Variants in PCBP3 observed in about 807,000 individuals in gnomAD.
PCBP3 encodes the protein poly(rC) binding protein 3, also known as poly(rC)-binding protein 3.
Under a neutral mutation model 52.7 loss-of-function variants are expected in PCBP3, and 25 were observed. The ratio of observed to expected loss-of-function variants is 0.47; its 90% CI spans 0.35 to 0.66. The LOEUF is 0.66. PCBP3 is among the 30% of genes least tolerant of loss of function. The pLI, the probability that PCBP3 is intolerant of heterozygous loss-of-function variation, is 0.01. For missense variants in PCBP3, 391 were observed against 490.3 expected, an observed-to-expected ratio of 0.80 and a Z score of 1.91; for synonymous variants, 162 against 183.0, an observed-to-expected ratio of 0.89 and a Z score of 0.93.
chr21:45,679,078 ATT>A (rs34808106), intron 2 of PCBP3, among the ~76,000 whole-genome samples: 1,402 of 120,812 alleles, frequency 0.012, 9 homozygotes, highest in African/African-American at 0.026. Context: ...GATTGTTAGC[ATT>A]TTTTTTTTTT....
At chr21:45,848,618 A>G (rs2093874237) in intron 4 of PCBP3, among the ~76,000 whole-genome samples, 1 of 151,904 alleles carries the variant, frequency 6.6e-6, no homozygotes. Flanking sequence ...TAATTGTGTC[A>G]TTCTCTTTCA....
At chr21:45,738,512 C>G (rs1330219263) in intron 3 of PCBP3, among the ~76,000 whole-genome samples, 1 of 152,172 alleles carries the variant, frequency 6.6e-6, no homozygotes, top group Non-Finnish European at 1.5e-5. Flanking sequence ...CCTCGGCCTC[C>G]CAAAGTGCTG....
chr21:45,887,134 A>T (rs1180002439), intron 5 of PCBP3, among the ~76,000 whole-genome samples: 1 of 152,226 alleles, frequency 6.6e-6, no homozygotes, highest in African/African-American at 2.4e-5. Flanking sequence ...TCTGAGAGAC[A>T]TAGAGAAAGC....
At chr21:45,653,275 C>T (rs2146881909) in intron 1 of PCBP3, among the ~76,000 whole-genome samples, 1 of 152,180 alleles carries the variant, frequency 6.6e-6, no homozygotes, top group Non-Finnish European at 1.5e-5. Context: ...GTTACATCTG[C>T]TTTCTTACTA....
At chr21:45,707,430 C>T (rs2083524586) in intron 2 of PCBP3, among the ~76,000 whole-genome samples, 1 of 152,056 alleles carries the variant, frequency 6.6e-6, no homozygotes, top group Non-Finnish European at 1.5e-5. Context: ...GCAGGAGAAT[C>T]GCTTGAACCT....
chr21:45,819,082 G>A (rs1453726863), intron 4 of PCBP3, among the ~76,000 whole-genome samples: 2 of 152,170 alleles, frequency 1.3e-5, no homozygotes, highest in Admixed American at 1.3e-4. Context: ...TGTAATGGTG[G>A]ATGCGTGTCA....
At chr21:45,684,785 C>T (rs1569114229) in intron 2 of PCBP3, among the ~76,000 whole-genome samples, 1 of 152,208 alleles carries the variant, frequency 6.6e-6, no homozygotes, top group East Asian at 1.9e-4. Flanking sequence ...TCAGATATTC[C>T]TTTATAGCAA....
At chr21:45,902,050 G>T (rs937025884) in intron 9 of PCBP3, among the ~76,000 whole-genome samples, 1 of 152,218 alleles carries the variant, frequency 6.6e-6, no homozygotes, top group African/African-American at 2.4e-5. Flanking sequence ...AGGAGGGGGA[G>T]CTTGGGAGTG....
intron 5 of PCBP3, among the ~76,000 whole-genome samples, chr21:45,861,167 A>G (rs2094497407): frequency 6.6e-6 from 1 of 152,114 alleles, no homozygotes; most frequent in Non-Finnish European, 1.5e-5. Flanking sequence ...CACCTCTGCC[A>G]GCACCCCCTC....
intron 5 of PCBP3, among the ~76,000 whole-genome samples, chr21:45,869,990 T>C (rs993154296): frequency 2.0e-5 from 3 of 152,278 alleles, no homozygotes; most frequent in African/African-American, 7.2e-5. Flanking sequence ...CTTCAGACTT[T>C]AATTTTTTGT....
intron 13 of PCBP3, among the ~76,000 whole-genome samples, chr21:45,923,491 C>G (rs2074768086): frequency 6.6e-6 from 1 of 152,194 alleles, no homozygotes; most frequent in Non-Finnish European, 1.5e-5. Context: ...CTGCAGGGCC[C>G]CAGTGGCACG....
At chr21:45,757,963 T>G (rs980236279) in intron 4 of PCBP3, among the ~76,000 whole-genome samples, 1 of 151,962 alleles carries the variant, frequency 6.6e-6, no homozygotes, top group Admixed American at 6.6e-5. Flanking sequence ...CTCGGCTCAC[T>G]GCAACCTCCA....
At chr21:45,786,072 T>C (rs2091129304) in intron 4 of PCBP3, among the ~76,000 whole-genome samples, 1 of 149,648 alleles carries the variant, frequency 6.7e-6, no homozygotes, top group Non-Finnish European at 1.5e-5. Flanking sequence ...TTCCCTCCAC[T>C]ATTGTCCTGT....
At chr21:45,887,880 A>G (rs2095558344) in intron 5 of PCBP3, among the ~76,000 whole-genome samples, 2 of 152,126 alleles carry the variant, frequency 1.3e-5, no homozygotes, top group Admixed American at 6.5e-5. Flanking sequence ...TTATCAATAG[A>G]TGTCTAGTAC....
Position 45,930,847 on chromosome 21 carries a change from T to C in PCBP3, c.856+2T>C. On this transcript the variant is annotated splice_donor_variant, in intron 15 of 17. Coordinates refer to ENST00000681687, the MANE Select transcript of PCBP3 (RefSeq NM_001384156.1). LOFTEE classifies it high-confidence loss of function. ...AAAATCTGATGGGCCAGTCATCAGG[T>C]AACACAAAGCCACACTGACAGGAGA... is the stretch of plus-strand genomic sequence containing the variant. The C allele has an allele frequency of 1.2e-6, 2 of 1,612,216 alleles. No individual in the cohort carries two copies. The highest frequency in any genetic ancestry group is 1.7e-6 in the Non-Finnish European group (2 of 1,178,926).
chr21:45,911,098 G>GGCTTGGAA, intron 11 of PCBP3, 68 bp downstream of exon 11: 1 of 1,567,628 alleles, frequency 6.4e-7, no homozygotes. Context: ...TGCAGGCAAA[G>GGCTTGGAA]GCTTGGAAGC....
intron 2 of PCBP3, among the ~76,000 whole-genome samples, chr21:45,693,404 T>G (rs530690835): frequency 5.6e-4 from 85 of 152,306 alleles, no homozygotes; most frequent in African/African-American, 1.8e-3. Context: ...AAGCATGTTT[T>G]TGTTTTTCTT....
chr21:45,811,789 C>A (rs993451543), intron 4 of PCBP3, among the ~76,000 whole-genome samples: 1 of 152,132 alleles, frequency 6.6e-6, no homozygotes, highest in African/African-American at 2.4e-5. Context: ...TGCTTTGAGT[C>A]GTGCTTTTGT....
chr21:45,874,937 G>A (rs1383352365), intron 5 of PCBP3, among the ~76,000 whole-genome samples: 1 of 152,182 alleles, frequency 6.6e-6, no homozygotes, highest in Non-Finnish European at 1.5e-5. Flanking sequence ...GAGCATGCAG[G>A]TCCCAAACCG....
Sources: allele counts gnomAD v4.1 joint callset (sites outside exome capture counted in the v4.1 genomes callset), GRCh38; gene constraint gnomAD v4.1.1; transcripts MANE v1.5; gene names NCBI Gene and HGNC (gene_info 2026-07-23, HGNC 2026-07-21).